CDK13: variants seen among roughly 807,000 people sequenced by gnomAD.
CDK13 encodes the protein cyclin dependent kinase 13.
A neutral mutation model predicts 137.6 loss-of-function variants in CDK13; 40 were observed. The observed-to-expected ratio is 0.29, with a 90% confidence interval of 0.23 to 0.38. CDK13 has a LOEUF of 0.38. Ranked by LOEUF, CDK13 falls within the 10% of genes least tolerant of loss-of-function variation. CDK13 has a pLI of 1.00. For synonymous variants in CDK13, 869 were observed against 760.1 expected (o/e 1.14, Z -2.36); for missense variants, 1,704 against 1,951.8 (o/e 0.87, Z 2.39).
At chr7:40,060,667 A>G (rs1786121624) in intron 7 of CDK13, among the ~76,000 whole-genome samples, 1 of 152,240 alleles carries the variant, frequency 6.6e-6, no homozygotes, top group Non-Finnish European at 1.5e-5. Context: ...ATGTGAAGAT[A>G]AATATATTAT....
intron 5 of CDK13, among the ~76,000 whole-genome samples, chr7:40,003,190 A>ACT (rs1562722925): frequency 4.1e-5 from 4 of 98,332 alleles, no homozygotes; most frequent in African/African-American, 1.5e-4. Flanking sequence ...ACACACACAC[A>ACT]CACACACACA....
intron 11 of CDK13, among the ~76,000 whole-genome samples, chr7:40,087,546 G>GTTTTTTT (rs35686770): frequency 8.9e-6 from 1 of 112,052 alleles, no homozygotes; most frequent in African/African-American, 3.7e-5. Flanking sequence ...CAATAGTGGT[G>GTTTTTTT]TTTTTTTTTT....
chr7:39,961,161 C>T (rs1787608034), intron 1 of CDK13, among the ~76,000 whole-genome samples: 1 of 152,004 alleles, frequency 6.6e-6, no homozygotes, highest in African/African-American at 2.4e-5. Context: ...GAGTTCAAGA[C>T]CAGCCTGGCC....
intron 1 of CDK13, among the ~76,000 whole-genome samples, chr7:39,960,212 A>G (rs1158808039): frequency 9.2e-6 from 1 of 108,954 alleles, no homozygotes; most frequent in Non-Finnish European, 2.2e-5. Context: ...CTTTCATTTG[A>G]TCATTTTTTT....
chr7:40,030,815 C>G (rs1785363138), intron 5 of CDK13, among the ~76,000 whole-genome samples: 1 of 152,022 alleles, frequency 6.6e-6, no homozygotes, highest in Non-Finnish European at 1.5e-5. Context: ...CAGTATGCAC[C>G]TAAAGTTCCT....
chr7:40,053,655 C>T (rs1184156050), intron 7 of CDK13, among the ~76,000 whole-genome samples: 2 of 152,040 alleles, frequency 1.3e-5, no homozygotes, highest in South Asian at 2.1e-4. Context: ...CTGAATCCCA[C>T]AGGCATCATT....
chr7:39,997,633 G>A lies in CDK13; in HGVS notation c.2011G>A (p.Ala671Thr). The A allele has an allele frequency of 6.2e-7, 1 of 1,613,652 alleles. No homozygotes were observed. The highest frequency in any genetic ancestry group is 8.5e-7 in the Non-Finnish European group (1 of 1,179,806). Residue 671 changes from alanine to threonine, a missense_variant, in exon 3 of 14, where the codon GCA (alanine) becomes ACA (threonine). Ala to Thr is a moderately conservative substitution (Grantham distance 58, BLOSUM62 0). Around this residue, in one of 5 missense-constraint regions of CDK13, gnomAD observed 1,051 missense variants for 931.0 expected, o/e 1.13. Coordinates refer to ENST00000181839, the MANE Select transcript of CDK13 (RefSeq NM_003718.5). ...LSKSPEEKKT[A>T]TQLHSKRRPK... ...AAAGAGTCCAGAGGAAAAGAAAACA[G>A]CAACACAGTTACATAGTAAAAGGAG... is the stretch of plus-strand genomic sequence containing the variant.
At chr7:40,002,231 T>G in intron 5 of CDK13, 200 bp downstream of exon 5, 10 of 411,698 alleles carry the variant, frequency 2.4e-5, no homozygotes, top group East Asian at 4.2e-5. Flanking sequence ...TAAAGGGTAT[T>G]TGCCAATATT....
At chr7:40,059,066 T>C (rs1786083570) in intron 7 of CDK13, 1 of 152,212 alleles carries the variant, frequency 6.6e-6, no homozygotes, top group African/African-American at 2.4e-5. Flanking sequence ...TTTTTTCACT[T>C]AGAATGGTCT....
intron 1 of CDK13, among the ~76,000 whole-genome samples, chr7:39,961,935 C>T (rs1049226791): frequency 6.6e-6 from 1 of 152,154 alleles, no homozygotes; most frequent in African/African-American, 2.4e-5. Context: ...TGGTCTCCAG[C>T]TTCATCCATA....
At chr7:40,090,683 G>A (rs978745454) in intron 12 of CDK13, among the ~76,000 whole-genome samples, 31 of 149,582 alleles carry the variant, frequency 2.1e-4, no homozygotes, top group Admixed American at 1.8e-3. Context: ...TCGGGATTTC[G>A]AGACCAGCCT....
chr7:40,041,882 G>A (rs538389010), intron 5 of CDK13, among the ~76,000 whole-genome samples: 77 of 152,158 alleles, frequency 5.1e-4, no homozygotes, highest in Non-Finnish European at 8.2e-4. Context: ...TAGTGATCAT[G>A]CTTACAGCTA....
At chr7:40,093,806 T>C (rs768397635) in intron 13 of CDK13, among the ~76,000 whole-genome samples, 25 of 151,276 alleles carry the variant, frequency 1.7e-4, no homozygotes, top group Non-Finnish European at 3.1e-4. Context: ...CTTGGAAGGC[T>C]GAGGTGGGTG....
chr7:39,961,202 T>C (rs1237636814), intron 1 of CDK13, among the ~76,000 whole-genome samples: 1 of 151,956 alleles, frequency 6.6e-6, no homozygotes, highest in Non-Finnish European at 1.5e-5. Context: ...CTACTAAAAA[T>C]ACAAAACATA....
intron 5 of CDK13, among the ~76,000 whole-genome samples, chr7:40,042,668 G>A (rs1393656254): frequency 1.7e-5 from 2 of 116,672 alleles, no homozygotes; most frequent in Non-Finnish European, 3.0e-5. Context: ...TAGCAGAGAC[G>A]GGGTTTTACC....
In CDK13 at chr7:40,068,508, A is replaced by G. The variant is rs190071233; in HGVS notation, c.2780+5408A>G. On this transcript the variant is annotated intron_variant, in intron 9 of 13. Coordinates refer to ENST00000181839, the MANE Select transcript of CDK13 (RefSeq NM_003718.5). ...GTCGAGTTCAGGACCAGCCTTGCCAACATGGTGAATCCCTGTCTCTACTAA... is the reference window on the plus strand; with the variant it reads ...GTCGAGTTCAGGACCAGCCTTGCCAGCATGGTGAATCCCTGTCTCTACTAA... Among the ~76,000 whole-genome samples, 623 of 151,938 alleles carry G rather than the reference A, an allele frequency of 4.1e-3. 4 individuals are homozygous for G. The highest frequency in any genetic ancestry group is 0.015 in the African/African-American group (602 of 41,454).
intron 7 of CDK13, chr7:40,061,708 A>C (rs770107175): frequency 1.3e-4 from 20 of 152,224 alleles, no homozygotes; most frequent in Non-Finnish European, 2.5e-4. Flanking sequence ...GAAGTAAGTA[A>C]CTACAGATCA....
chr7:39,975,648 C>T (rs941872836), intron 1 of CDK13, among the ~76,000 whole-genome samples: 6 of 152,004 alleles, frequency 3.9e-5, no homozygotes, highest in Non-Finnish European at 7.4e-5. Flanking sequence ...AGAGAGAGCC[C>T]GCCATGTGAT....
chr7:40,051,666 A>G (rs1429660835), intron 7 of CDK13, among the ~76,000 whole-genome samples: 1 of 152,230 alleles, frequency 6.6e-6, no homozygotes, highest in Non-Finnish European at 1.5e-5. Context: ...CAACTGTAAT[A>G]GCATCAACCA....
Sources: gnomAD v4.1 joint callset for allele counts (sites outside exome capture counted in the v4.1 genomes callset) on GRCh38, gnomAD v4.1.1 for gene constraint, gnomAD v4.1.1 regional missense constraint, MANE v1.5 for transcripts, NCBI Gene and HGNC (gene_info 2026-07-23, HGNC 2026-07-21) for gene names.